Variants in SYNPR observed in about 807,000 individuals in gnomAD.
SYNPR encodes synaptoporin.
A neutral mutation model predicts 32.9 loss-of-function variants in SYNPR; 23 were observed. The ratio of observed to expected loss-of-function variants is 0.70; its 90% CI spans 0.50 to 0.99. The LOEUF (loss-of-function observed/expected upper bound fraction) is 0.99. SYNPR is among the 50% of genes least tolerant of loss of function. The pLI, the probability that SYNPR is intolerant of heterozygous loss-of-function variation, is 0.00. For missense variants in SYNPR, 318 were observed against 349.3 expected, an observed-to-expected ratio of 0.91 and a Z score of 0.71; for synonymous variants, 146 against 135.9, an observed-to-expected ratio of 1.07 and a Z score of -0.52.
chr3:63,242,492 A>G (rs537940877), intron 1 of SYNPR, among the ~76,000 whole-genome samples: 1 of 152,264 alleles, frequency 6.6e-6, no homozygotes, highest in South Asian at 2.1e-4. Flanking sequence ...TGAACCCATC[A>G]CTATGTGAAT....
At chr3:63,210,434 A>G in the SYNPR span, among the ~76,000 whole-genome samples, 1 of 151,970 alleles carries the variant, frequency 6.6e-6, no homozygotes, top group African/African-American at 2.4e-5. Flanking sequence ...TTTACACAGG[A>G]CTCTCCTTTT....
chr3:63,584,585 G>C (rs1420801676), intron 4 of SYNPR, among the ~76,000 whole-genome samples: 1 of 152,080 alleles, frequency 6.6e-6, no homozygotes, highest in African/African-American at 2.4e-5. Flanking sequence ...CAGTCATGTG[G>C]CTCAGGATTT....
At chr3:63,331,897 T>C (rs2087234929) in intron 2 of SYNPR, among the ~76,000 whole-genome samples, 1 of 152,208 alleles carries the variant, frequency 6.6e-6, no homozygotes, top group Admixed American at 6.5e-5. Context: ...GGAAGAGGCA[T>C]AAGTTGATAT....
At chr3:63,479,495 C>T (rs1465715265) in intron 2 of SYNPR, among the ~76,000 whole-genome samples, 17 of 150,922 alleles carry the variant, frequency 1.1e-4, no homozygotes, top group African/African-American at 4.1e-4. Flanking sequence ...TATTGCTTTG[C>T]CTGTGAAGGT....
intron 1 of SYNPR, among the ~76,000 whole-genome samples, chr3:63,230,378 AT>A (rs892664581): frequency 5.9e-5 from 9 of 152,004 alleles, no homozygotes; most frequent in Non-Finnish European, 1.3e-4. Flanking sequence ...TCTGGCTTGA[AT>A]TTTTTCCTAG....
chr3:63,393,491 C>CTTTTTTTTTTTTTTTTTTT (rs1482584312), intron 2 of SYNPR, among the ~76,000 whole-genome samples: 5 of 116,624 alleles, frequency 4.3e-5, no homozygotes, highest in Non-Finnish European at 6.6e-5. Flanking sequence ...TTCTTTCTTT[C>CTTTTTTTTTTTTTTTTTTT]TTCTCTTTTT....
rs1700072178 is a variant in SYNPR at position 63,603,343 on chromosome 3, C to T, written c.409-5782C>T. Reference sequence around the variant, plus strand: ...ATTTGGATGCCTTTCATTTCTTTCTCTTGCCTGATTGCTCCGGCTAGGACT... The same window carrying T: ...ATTTGGATGCCTTTCATTTCTTTCTTTTGCCTGATTGCTCCGGCTAGGACT... On this transcript the variant is annotated intron_variant, in intron 4 of 5. Transcript: ENST00000478300. Among the ~76,000 whole-genome samples the T allele has an allele frequency of 1.3e-5, 2 of 152,170 alleles. 1 individual carries two copies. The highest frequency in any genetic ancestry group is 4.1e-4 in the South Asian group (2 of 4,832).
chr3:63,593,103 GA>G (rs1398864150), intron 4 of SYNPR, among the ~76,000 whole-genome samples: 1 of 151,974 alleles, frequency 6.6e-6, no homozygotes, highest in African/African-American at 2.4e-5. Context: ...AATTCTCAAT[GA>G]AGATCAAGCA....
chr3:63,503,151 T>G (rs1488952273), intron 3 of SYNPR, among the ~76,000 whole-genome samples: 1 of 152,134 alleles, frequency 6.6e-6, no homozygotes, highest in African/African-American at 2.4e-5. Context: ...TATTAAGAGG[T>G]ATGTAATTGT....
chr3:63,601,603 G>A (rs889480489), intron 4 of SYNPR, among the ~76,000 whole-genome samples: 1 of 152,036 alleles, frequency 6.6e-6, no homozygotes, highest in South Asian at 2.1e-4. Context: ...GCAGTACTTG[G>A]TTTTCTGTTC....
chr3:63,204,679 G>A, the SYNPR span, among the ~76,000 whole-genome samples: 5 of 151,312 alleles, frequency 3.3e-5, no homozygotes, highest in East Asian at 2.0e-4. Flanking sequence ...AATACTCCTC[G>A]AGTGATTTTT....
At chr3:63,287,436 G>A (rs929034657) in intron 2 of SYNPR, among the ~76,000 whole-genome samples, 6 of 151,372 alleles carry the variant, frequency 4.0e-5, no homozygotes, top group Non-Finnish European at 7.4e-5. Flanking sequence ...GCCTTCTGAC[G>A]GCTCCCAGAC....
chr3:63,443,237 GC>G, intron 2 of SYNPR: 1 of 1,405,510 alleles, frequency 7.1e-7, no homozygotes, highest in East Asian at 2.6e-5. Flanking sequence ...TGACCGTTTT[GC>G]CATCTCTCTG....
intron 3 of SYNPR, among the ~76,000 whole-genome samples, chr3:63,482,667 T>C (rs1280548829): frequency 2.6e-5 from 4 of 152,248 alleles, no homozygotes; most frequent in Non-Finnish European, 5.9e-5. Context: ...GAAGCAGTAT[T>C]AGCCAATCTC....
intron 4 of SYNPR, among the ~76,000 whole-genome samples, chr3:63,581,070 A>G (rs1703081075): frequency 6.6e-6 from 1 of 152,136 alleles, no homozygotes. Flanking sequence ...CCTGTACTCT[A>G]CACTCTACTG....
intron 2 of SYNPR, among the ~76,000 whole-genome samples, chr3:63,345,484 C>A (rs543053631): frequency 6.6e-6 from 1 of 152,198 alleles, no homozygotes; most frequent in Non-Finnish European, 1.5e-5. Context: ...GAAGCCCTCA[C>A]AGGAACTTGC....
intron 2 of SYNPR, among the ~76,000 whole-genome samples, chr3:63,409,303 A>G (rs1321107075): frequency 6.6e-6 from 1 of 151,972 alleles, no homozygotes; most frequent in East Asian, 1.9e-4. Flanking sequence ...TTCTTTTTAC[A>G]TTTCTGCTGT....
At position 63,367,404 on chromosome 3, in the gene SYNPR, G is replaced by A. The variant is rs1330461076; in HGVS notation, c.84+88662G>A. Among the ~76,000 whole-genome samples, 4 of 151,356 alleles carry A rather than the reference G, an allele frequency of 2.6e-5. No homozygotes were observed. The East Asian group carries it at 7.7e-4, about 29-fold the overall frequency. On this transcript the variant is annotated intron_variant, in intron 2 of 5. Transcript: ENST00000478300. ...AGATAAGATCTGGCTCTATCTCCCA[G>A]GCTGGAGTGCAGTCCTGCGATCTCG...
At chr3:63,253,703 T>C (rs1274965381) in intron 2 of SYNPR, among the ~76,000 whole-genome samples, 1 of 152,148 alleles carries the variant, frequency 6.6e-6, no homozygotes, top group Admixed American at 6.5e-5. Flanking sequence ...ATAAGAACAC[T>C]TTTACACTGT....
Sources: gnomAD v4.1 joint callset for allele counts (sites outside exome capture counted in the v4.1 genomes callset) on GRCh38, gnomAD v4.1.1 for gene constraint, MANE v1.5 for transcripts, NCBI Gene and HGNC (gene_info 2026-07-23, HGNC 2026-07-21) for gene names.